The following PCDHA9 variants were observed in gnomAD, a reference collection of about 807,000 sequenced individuals.
PCDHA9 encodes protocadherin alpha-9.
In PCDHA9, 62 loss-of-function variants were observed where a neutral mutation model predicts 62.0. The observed-to-expected ratio is 1.00, with a 90% CI of 0.81 to 1.23. The LOEUF (loss-of-function observed/expected upper bound fraction) is 1.23. Ranked by LOEUF, PCDHA9 falls within the 50% of genes most tolerant of loss-of-function variation. PCDHA9 has a pLI of 0.00. For synonymous variants in PCDHA9, 557 were observed against 567.6 expected, an observed-to-expected ratio of 0.98 and a Z score of 0.27; for missense variants, 1,205 against 1,249.8, an observed-to-expected ratio of 0.96 and a Z score of 0.54.
intron 1 of PCDHA9, among the ~76,000 whole-genome samples, chr5:140,909,682 A>G (rs1172515528): frequency 1.3e-5 from 2 of 152,132 alleles, no homozygotes; most frequent in Non-Finnish European, 2.9e-5. Flanking sequence ...CAGGGAGCCA[A>G]TGTGGGGGTT....
chr5:140,848,458 G>A lies in PCDHA9; in HGVS notation c.-38G>A, dbSNP rs2150410846. 52 of 1,529,436 alleles carry A rather than the reference G, an allele frequency of 3.4e-5. 3 individuals are homozygous for A. The South Asian group carries it at 5.9e-4, about 17-fold the overall frequency. The allele number at this position is 1,529,436 out of a possible 1,614,324, so 94.7% of individuals were successfully genotyped here. ...TCAGATGATTTCTTCTAATTTGGAG[G>A]CAATTTTCACTAATTAGAAGAAGAC... On this transcript the variant is annotated 5_prime_UTR_variant, in exon 1 of 4. Transcript: ENST00000532602.
intron 1 of PCDHA9, chr5:140,869,197 C>T: frequency 6.2e-7 from 1 of 1,614,026 alleles, no homozygotes; most frequent in Non-Finnish European, 8.5e-7. Context: ...CGGCCAGCTC[C>T]ACTACTCCGT....
intron 1 of PCDHA9, among the ~76,000 whole-genome samples, chr5:140,946,209 T>C (rs2153672553): frequency 6.6e-6 from 1 of 152,022 alleles, no homozygotes; most frequent in East Asian, 1.9e-4. Flanking sequence ...AGCACACAAA[T>C]GACCAACAGG....
rs149656802 is a variant in PCDHA9, at chr5:141,008,452, C to T, written c.2543-1175C>T. ...TTTGCCCAGACAGACCATTACCCTTCCTCTCCAGCTCTGACTTCTACTCTT... is the reference window on the plus strand; with the variant it reads ...TTTGCCCAGACAGACCATTACCCTTTCTCTCCAGCTCTGACTTCTACTCTT... On this transcript the variant is annotated intron_variant, in intron 3 of 3. Coordinates refer to ENST00000532602, the MANE Select transcript of PCDHA9 (RefSeq NM_031857.2). Among the ~76,000 whole-genome samples, 286 of 152,284 alleles carry T rather than the reference C, an allele frequency of 1.9e-3. 2 individuals carry two copies. Among genetic ancestry groups the T allele is most frequent in the African/African-American group, 6.5e-3 (272 of 41,548 alleles).
At chr5:140,937,198 C>T (rs2091402998) in intron 1 of PCDHA9, among the ~76,000 whole-genome samples, 1 of 151,908 alleles carries the variant, frequency 6.6e-6, no homozygotes, top group Non-Finnish European at 1.5e-5. Context: ...CCACCATGCC[C>T]GGCTAATTTT....
Position 140,928,056 on chromosome 5 carries a change from G to A in PCDHA9, c.2395-50893G>A, listed in dbSNP as rs183490994. ...CTAGTGCAGGCCCTTTTCAGCTGAC[G>A]GCTTCCTTTGACAACTACTACAGCC... On this transcript the variant is annotated intron_variant, in intron 1 of 3. Coordinates refer to ENST00000532602, the MANE Select transcript of PCDHA9 (RefSeq NM_031857.2). The A allele has an allele frequency of 2.8e-5, 45 of 1,614,154 alleles. 1 individual carries two copies. The East Asian group carries it at 4.7e-4, about 17-fold the overall frequency.
intron 1 of PCDHA9, among the ~76,000 whole-genome samples, chr5:140,912,129 A>C (rs2075781767): frequency 6.6e-6 from 1 of 152,156 alleles, no homozygotes; most frequent in Admixed American, 6.6e-5. Flanking sequence ...AGTCAGTCTA[A>C]TCTCTCCATG....
chr5:140,952,215 C>T (rs2094705548), intron 1 of PCDHA9, among the ~76,000 whole-genome samples: 1 of 152,034 alleles, frequency 6.6e-6, no homozygotes, highest in African/African-American at 2.4e-5. Context: ...GCAGCTTTTC[C>T]AGGCACAGTG....
At chr5:140,956,085 A>T (rs1338013265) in intron 1 of PCDHA9, among the ~76,000 whole-genome samples, 1 of 152,214 alleles carries the variant, frequency 6.6e-6, no homozygotes, top group Admixed American at 6.5e-5. Context: ...GGATCATGTC[A>T]TCTGCAAACA....
chr5:140,989,139 C>G (rs1308771993), intron 3 of PCDHA9, among the ~76,000 whole-genome samples: 1 of 152,136 alleles, frequency 6.6e-6, no homozygotes, highest in African/African-American at 2.4e-5. Context: ...ACACTTTATC[C>G]CTTCTTTTGT....
chr5:140,904,797 C>T (rs2071388214), intron 1 of PCDHA9, among the ~76,000 whole-genome samples: 1 of 152,022 alleles, frequency 6.6e-6, no homozygotes, highest in East Asian at 1.9e-4. Context: ...TTTGCATTTT[C>T]CTGATAATTA....
At chr5:140,992,318 C>G (rs2097504992) in intron 3 of PCDHA9, among the ~76,000 whole-genome samples, 1 of 152,128 alleles carries the variant, frequency 6.6e-6, no homozygotes, top group African/African-American at 2.4e-5. Flanking sequence ...TGGGCATTCC[C>G]TTTTCTAAGA....
At chr5:140,857,234 C>A (rs781784109) in intron 1 of PCDHA9, 1 of 1,598,590 alleles carries the variant, frequency 6.3e-7, no homozygotes, top group South Asian at 1.1e-5. Context: ...TCCGTTCAAG[C>A]TGGTGTCCAC....
At position 140,848,542 on chromosome 5, in the gene PCDHA9, T is replaced by G. The variant is rs2150412544; in HGVS notation, c.47T>G (p.Leu16Arg). ...GATCCAGAGGGTCAGCCTCTACTGCTCTCGCTTCTGATCCTCGCAATGTGG... is the reference window on the plus strand; with the variant it reads ...GATCCAGAGGGTCAGCCTCTACTGCGCTCGCTTCTGATCCTCGCAATGTGG... Reference protein sequence around the residue: ...RGDPEGQPLLLSLLILAMWVV... With the variant: ...RGDPEGQPLLRSLLILAMWVV... Residue 16 changes from leucine to arginine, a missense_variant, in exon 1 of 4, where the codon CTC becomes CGC. By Grantham distance (102) the Leu-to-Arg change is moderately radical (BLOSUM62 -2). Around this residue, in one of 3 missense-constraint regions of PCDHA9, gnomAD observed 208 missense variants for 213.2 expected, o/e 0.98. Coordinates refer to ENST00000532602, the MANE Select transcript of PCDHA9 (RefSeq NM_031857.2). The G allele has an allele frequency of 6.3e-7, 1 of 1,595,366 alleles. No homozygotes were observed. Among genetic ancestry groups the G allele is most frequent in the Non-Finnish European group, 8.6e-7 (1 of 1,165,404 alleles).
chr5:140,968,405 G>A, intron 1 of PCDHA9: 1 of 1,614,002 alleles, frequency 6.2e-7, no homozygotes, highest in Non-Finnish European at 8.5e-7. Flanking sequence ...GGAGTTCTTT[G>A]TGACTGTGGA....
At position 140,877,517 on chromosome 5, in the gene PCDHA9, C is replaced by T. The variant is rs782271327; in HGVS notation, c.2394+26628C>T. ...CAGGCCCCAAAGACGTCGTCGCGGG[C>T]CTCAGTGGGCGCTGTGGATCCCGAA... On this transcript the variant is annotated intron_variant, in intron 1 of 3. Coordinates refer to ENST00000532602, the MANE Select transcript of PCDHA9 (RefSeq NM_031857.2). 5.6e-6 allele frequency: 9 copies of T among 1,613,766 alleles called. No homozygotes were observed. Among genetic ancestry groups the T allele is most frequent in the Non-Finnish European group, 7.6e-6 (9 of 1,179,862 alleles).
intron 1 of PCDHA9, chr5:140,870,820 G>C (rs1554164732): frequency 1.9e-6 from 3 of 1,613,630 alleles, no homozygotes; most frequent in African/African-American, 1.3e-5. Context: ...TGGCAGCGCG[G>C]GAGGCGCAGT....
chr5:140,927,099 T>C (rs782352775), intron 1 of PCDHA9: 1 of 1,613,434 alleles, frequency 6.2e-7, no homozygotes, highest in Non-Finnish European at 8.5e-7. Context: ...TCGGGGTGGA[T>C]CTACCCAGCG....
rs1554162252 is a variant in PCDHA9 at position 140,868,854 on chromosome 5, T to A, written c.2394+17965T>A. ...ACCCAAAACACGTGAAATTCTGTGG[T>A]GGTAAATGCAGTGCACAGTACTCAC... On this transcript the variant is annotated intron_variant, in intron 1 of 3. Coordinates refer to ENST00000532602, the MANE Select transcript of PCDHA9 (RefSeq NM_031857.2). 8.6e-6 allele frequency: 4 copies of A among 465,988 alleles called. 1 individual carries two copies. The highest frequency in any genetic ancestry group is 1.4e-5 in the Non-Finnish European group (4 of 277,116). The allele number at this position is 465,988 out of a possible 1,614,324, so 28.9% of individuals were successfully genotyped here. A position where few individuals can be genotyped will look rare whatever the true frequency, so the allele number is the denominator to read the frequency against.
Sources: gnomAD v4.1 joint callset for allele counts (sites outside exome capture counted in the v4.1 genomes callset) on GRCh38, gnomAD v4.1.1 for gene constraint, gnomAD v4.1.1 regional missense constraint, MANE v1.5 for transcripts, NCBI Gene and HGNC (gene_info 2026-07-23, HGNC 2026-07-21) for gene names.